SI: variants seen among roughly 807,000 people sequenced by gnomAD.
SI encodes sucrase-isomaltase, intestinal.
A neutral mutation model predicts 253.3 loss-of-function variants in SI; 235 were observed. The observed-to-expected ratio is 0.93, with a 90% CI of 0.83 to 1.03. The LOEUF is 1.03. Ranked by LOEUF, SI falls within the 50% of genes least tolerant of loss-of-function variation. The pLI, the probability that SI is intolerant of heterozygous loss-of-function variation, is 0.00. For synonymous variants in SI, 819 were observed against 712.0 expected, an observed-to-expected ratio of 1.15 and a Z score of -2.39; for missense variants, 2,442 against 2,211.1, an observed-to-expected ratio of 1.10 and a Z score of -2.09.
At chr3:165,056,139 C>T (rs2108243674) in intron 12 of SI, among the ~76,000 whole-genome samples, 1 of 152,228 alleles carries the variant, frequency 6.6e-6, no homozygotes, top group East Asian at 1.9e-4. Context: ...TGTTTTGTAT[C>T]CAAACATTTC....
intron 22 of SI, among the ~76,000 whole-genome samples, chr3:165,035,108 A>G (rs1401178174): frequency 6.6e-6 from 1 of 151,970 alleles, no homozygotes; most frequent in Non-Finnish European, 1.5e-5. Context: ...GATGGAGCAG[A>G]TACATGGTGG....
intron 25 of SI, among the ~76,000 whole-genome samples, chr3:165,025,543 T>C (rs929925049): frequency 2.0e-5 from 3 of 151,158 alleles, no homozygotes; most frequent in African/African-American, 7.3e-5. Flanking sequence ...CCTAGACACA[T>C]TGCTGTCAGG....
intron 26 of SI, among the ~76,000 whole-genome samples, chr3:165,022,000 T>C (rs1711648344): frequency 6.6e-6 from 1 of 151,636 alleles, no homozygotes; most frequent in Non-Finnish European, 1.5e-5. Flanking sequence ...AGGTTTCATC[T>C]TTTTCTACAT....
Position 165,059,125 on chromosome 3 carries a change from C to CAT in SI, c.1278+42_1278+43insAT, listed in dbSNP as rs60170840. 0.6 allele frequency: 962,629 copies of CAT among 1,609,830 alleles called. 290,515 individuals carry two copies. The highest frequency in any genetic ancestry group is 0.83 in the East Asian group (37,022 of 44,590). ...AAACTGCAAAATCTATTAACTTACA[C>CAT]GTGTAAACACTAAAAATGTATTAAG... On this transcript the variant is annotated intron_variant, in intron 11 of 47. Coordinates refer to ENST00000264382, the MANE Select transcript of SI (RefSeq NM_001041.4).
rs1443050977 is a variant in SI at position 165,021,520 on chromosome 3, G to T, written c.3100-137C>A. The T allele has an allele frequency of 2.8e-5, 20 of 725,120 alleles. No homozygotes were observed. The Admixed American group carries it at 4.3e-4, about 15-fold the overall frequency. 44.9% of individuals were successfully genotyped at this position (725,120 alleles called of 1,614,324 possible). On this transcript the variant is annotated intron_variant, in intron 26 of 47. Coordinates refer to ENST00000264382, the MANE Select transcript of SI (RefSeq NM_001041.4). ...CATAATTTCTAATTCTACATTCATG[G>T]TCCATATAACCATATCAATATAGAA... is the stretch of plus-strand genomic sequence containing the variant.
In SI at chr3:165,019,694, T is replaced by C. The variant is rs145913658; in HGVS notation, c.3331A>G (p.Ile1111Val). Reference sequence around the variant, plus strand: ...TGTTCCACTTCCCCAAAACCATATATATATTCTGATGGCAGGCGAGTCGAT... The same window carrying C: ...TGTTCCACTTCCCCAAAACCATATACATATTCTGATGGCAGGCGAGTCGAT... Reference protein sequence around the residue: ...QISTRLPSEYIYGFGEVEHTA... With the variant: ...QISTRLPSEYVYGFGEVEHTA... Residue 1111 changes from isoleucine (I) to valine (V), a missense_variant, in exon 28 of 48, where the codon ATA (isoleucine) becomes GTA (valine). Coordinates refer to ENST00000264382, the MANE Select transcript of SI (RefSeq NM_001041.4). 152 of 1,612,492 alleles carry C rather than the reference T, an allele frequency of 9.4e-5. No individual in the cohort carries two copies. The highest frequency in any genetic ancestry group is 1.6e-4 in the Middle Eastern group (1 of 6,076).
chr3:165,082,524 T>A (rs1715370387), upstream of SI, among the ~76,000 whole-genome samples: 1 of 151,998 alleles, frequency 6.6e-6, no homozygotes. Context: ...TTTAAAACCC[T>A]ATACCTTTCA....
At chr3:165,066,000 C>T (rs1714228567) in intron 6 of SI, among the ~76,000 whole-genome samples, 1 of 151,692 alleles carries the variant, frequency 6.6e-6, no homozygotes, top group East Asian at 1.9e-4. Context: ...TACAGTCAGC[C>T]CTCCATATCT....
At chr3:165,030,513 C>A (rs368178167) in intron 25 of SI, among the ~76,000 whole-genome samples, 199 bp downstream of exon 25, 1 of 150,836 alleles carries the variant, frequency 6.6e-6, no homozygotes, top group East Asian at 1.9e-4. Context: ...TTCAGCCTGG[C>A]GTTTACTAAG....
At position 165,017,572 on chromosome 3, in the gene SI, A is replaced by G. The variant is rs756685947; in HGVS notation, c.3735T>C (p.Ala1245=). ...CATAGGGGATGTTAGCAGCCACCATAGCGTCATATAATTCCCGAACCTCTG... is the reference window on the plus strand; with the variant it reads ...CATAGGGGATGTTAGCAGCCACCATGGCGTCATATAATTCCCGAACCTCTG... ...NTSEVRELYD[A]MVAANIPYDV... Residue 1245 remains alanine, a synonymous_variant, in exon 31 of 48, where the codon GCT becomes GCC. Transcript: ENST00000264382. The G allele has an allele frequency of 2.5e-6, 4 of 1,612,510 alleles. No homozygotes were observed. Among genetic ancestry groups the G allele is most frequent in the Admixed American group, 3.3e-5 (2 of 59,920 alleles).
intron 37 of SI, among the ~76,000 whole-genome samples, chr3:165,005,331 TAAAAA>T (rs748165915): frequency 6.6e-6 from 1 of 151,752 alleles, no homozygotes; most frequent in South Asian, 2.1e-4. Flanking sequence ...ATTGTATACT[TAAAAA>T]AAACCCTAAA....
In SI at chr3:165,045,912, C is replaced by A. The variant is rs554855525; in HGVS notation, c.1887+929G>T. 1.1e-3 allele frequency among the ~76,000 whole-genome samples: 166 copies of A among 147,626 alleles called. 1 individual carries two copies. Among genetic ancestry groups the A allele is most frequent in the African/African-American group, 3.9e-3 (154 of 39,652 alleles). The stretch of plus-strand genomic sequence containing the variant: ...AGTGAGTCCCAATCTTGGCTCTGTG[C>A]AACCTCCACCTCCCAGGTTCAAACG... On this transcript the variant is annotated intron_variant, in intron 16 of 47. Coordinates refer to ENST00000264382, the MANE Select transcript of SI (RefSeq NM_001041.4).
At chr3:165,059,747 CAT>C (rs1000765279) in intron 10 of SI, among the ~76,000 whole-genome samples, 153 bp downstream of exon 10, 6 of 152,024 alleles carry the variant, frequency 3.9e-5, no homozygotes, top group Admixed American at 2.0e-4. Context: ...AAGGGCATTA[CAT>C]ATGAGATAAA....
At chr3:165,030,621 T>C (rs1005433451) in intron 25 of SI, 91 bp downstream of exon 25, 6 of 1,320,764 alleles carry the variant, frequency 4.5e-6, no homozygotes, top group Middle Eastern at 2.6e-4. Context: ...TTAGTTTATA[T>C]GCTGCAGATT....
chr3:165,022,535 TCACACACA>T (rs10686237), intron 26 of SI, among the ~76,000 whole-genome samples: 3,775 of 137,914 alleles, frequency 0.027, 91 homozygotes, highest in South Asian at 0.09. Context: ...TTGTGCCATC[TCACACACA>T]CACACACACA....
Position 165,055,210 on chromosome 3 carries a change from T to C in SI, c.1496A>G (p.Tyr499Cys). The change falls in exon 13 of 48, where the codon TAT (tyrosine) becomes TGT (cysteine). Residue 499 changes from tyrosine (Y) to cysteine (C), a missense_variant. Tyr to Cys is a radical substitution (Grantham distance 194). Coordinates refer to ENST00000264382, the MANE Select transcript of SI (RefSeq NM_001041.4). ...GCTACTTACAATCCAAAGTCCATCA[T>C]ATTGCACTTCTTGATGGAAAATACT... is the stretch of plus-strand genomic sequence containing the variant. ...ECSIFHQEVQ[Y>C]DGLWIDMNEV... 6.2e-7 allele frequency: 1 copy of C among 1,604,098 alleles called. No homozygotes were observed. Among genetic ancestry groups the C allele is most frequent in the East Asian group, 2.2e-5 (1 of 44,638 alleles).
intron 3 of SI, 151 bp downstream of exon 3, chr3:165,074,380 T>C (rs1714803198): frequency 4.6e-6 from 2 of 435,408 alleles, no homozygotes; most frequent in Admixed American, 8.3e-5. Context: ...CTATTATCTA[T>C]CATTTTTAAT....
rs1712801599 is a variant in SI at position 165,041,018 on chromosome 3, G to C, written c.2081C>G (p.Thr694Ser). 7.4e-6 allele frequency: 12 copies of C among 1,612,342 alleles called. No homozygotes were observed. The highest frequency in any genetic ancestry group is 2.7e-5 in the African/African-American group (2 of 74,842). ...CAGAGTGTAGAGGAAGGGTAATAAGGTGTAGCGAATAGTTAAATACTGCCT... is the reference window on the plus strand; with the variant it reads ...CAGAGTGTAGAGGAAGGGTAATAAGCTGTAGCGAATAGTTAAATACTGCCT... ...SSRQYLTIRYTLLPFLYTLFY... is the reference protein window; with the variant it reads ...SSRQYLTIRYSLLPFLYTLFY... The change falls in exon 18 of 48, where the codon ACC becomes AGC. Residue 694 changes from threonine to serine, a missense_variant. By Grantham distance (58) the Thr-to-Ser change is moderately conservative (BLOSUM62 1). Transcript: ENST00000264382.
intron 12 of SI, 92 bp downstream of exon 12, chr3:165,058,859 TACACACACACAC>T: frequency 3.1e-6 from 2 of 639,450 alleles, no homozygotes; most frequent in Non-Finnish European, 5.7e-6. Context: ...AAAGCAGACA[TACACACACACAC>T]ACACACACAC....
Sources: allele counts gnomAD v4.1 joint callset (sites outside exome capture counted in the v4.1 genomes callset), GRCh38; gene constraint gnomAD v4.1.1; transcripts MANE v1.5; gene names NCBI Gene and HGNC (gene_info 2026-07-23, HGNC 2026-07-21).